LRRC4C: variants seen among roughly 807,000 people sequenced by gnomAD.
The protein encoded by LRRC4C is leucine rich repeat containing 4C, also known as leucine-rich repeat-containing protein 4C.
In LRRC4C, 5 loss-of-function variants were observed where a neutral mutation model predicts 33.6. The observed-to-expected ratio is 0.15, with a 90% CI of 0.08 to 0.31. LRRC4C has a LOEUF of 0.31. LRRC4C is among the 10% of genes least tolerant of loss of function. The pLI, the probability that LRRC4C is intolerant of heterozygous loss-of-function variation, is 1.00. For missense variants in LRRC4C, 560 were observed against 796.7 expected (o/e 0.70, Z 3.58); for synonymous variants, 329 against 302.0 (o/e 1.09, Z -0.93).
intron 1 of LRRC4C, among the ~76,000 whole-genome samples, chr11:41,199,354 C>T (rs1380585890): frequency 6.6e-6 from 1 of 151,940 alleles, no homozygotes; most frequent in African/African-American, 2.4e-5. Flanking sequence ...TATTCAAAAA[C>T]GGGGAGTGTC....
intron 2 of LRRC4C, among the ~76,000 whole-genome samples, chr11:40,874,886 T>G (rs547797321): frequency 1.2e-4 from 19 of 152,196 alleles, no homozygotes; most frequent in African/African-American, 4.1e-4. Flanking sequence ...AGATACTGAG[T>G]GAATAAAGAT....
At chr11:40,187,043 C>A (rs1262549896) in intron 5 of LRRC4C, among the ~76,000 whole-genome samples, 1 of 152,132 alleles carries the variant, frequency 6.6e-6, no homozygotes, top group African/African-American at 2.4e-5. Context: ...AGCAGGAGAA[C>A]CAACAAAGGA....
chr11:40,385,759 C>T (rs559740764), intron 3 of LRRC4C, among the ~76,000 whole-genome samples: 5 of 151,690 alleles, frequency 3.3e-5, no homozygotes, highest in East Asian at 2.0e-4. Flanking sequence ...CCCAGCTACT[C>T]GGGAGGCTGA....
Position 40,456,905 on chromosome 11 carries a change from GGAAA to G in LRRC4C, c.-269-137188_-269-137185del, listed in dbSNP as rs528374934. On this transcript the variant is annotated intron_variant, in intron 3 of 6. Coordinates refer to ENST00000528697, the MANE Select transcript of LRRC4C (RefSeq NM_001258419.2). The stretch of plus-strand genomic sequence containing the variant: ...TGGAGATAAGGGCGGGAGGGGAAAA[GGAAA>G]GAAAGGAAGGGGAAAAAAAAGAAAA... Among the ~76,000 whole-genome samples, 31 of 130,090 alleles carry G rather than the reference GGAAA, an allele frequency of 2.4e-4. No individual in the cohort carries two copies. The South Asian group carries it at 8.1e-3, about 34-fold the overall frequency. The allele number at this position is 130,090 out of a possible 152,430, so 85.3% of individuals were successfully genotyped here.
chr11:40,387,536 A>G (rs1279978917), intron 3 of LRRC4C, among the ~76,000 whole-genome samples: 1 of 152,130 alleles, frequency 6.6e-6, no homozygotes, highest in East Asian at 1.9e-4. Flanking sequence ...TTTTCCTTAT[A>G]TTGTTTCAAT....
chr11:40,744,554 C>T (rs981104674), intron 2 of LRRC4C, among the ~76,000 whole-genome samples: 1 of 152,128 alleles, frequency 6.6e-6, no homozygotes, highest in African/African-American at 2.4e-5. Context: ...GGCCTTTGAA[C>T]TTCATGAGAG....
intron 4 of LRRC4C, among the ~76,000 whole-genome samples, chr11:40,286,762 C>T (rs976108204): frequency 3.9e-5 from 6 of 151,954 alleles, no homozygotes; most frequent in South Asian, 2.1e-4. Context: ...TTGAGGAAAC[C>T]GAGGATTAAC....
chr11:40,767,599 G>GA (rs929820729), intron 2 of LRRC4C, among the ~76,000 whole-genome samples: 2 of 151,780 alleles, frequency 1.3e-5, no homozygotes, highest in Non-Finnish European at 2.9e-5. Context: ...AGGAAATTCA[G>GA]AAAAAAATGA....
chr11:40,145,888 T>A (rs1255899565), intron 5 of LRRC4C, among the ~76,000 whole-genome samples: 1 of 152,204 alleles, frequency 6.6e-6, no homozygotes, highest in African/African-American at 2.4e-5. Flanking sequence ...ATGCTGGGCA[T>A]ATACCAGGAA....
chr11:40,527,821 TCAC>T lies in LRRC4C; in HGVS notation c.-270+120318_-270+120320del, dbSNP rs528389454. Among the ~76,000 whole-genome samples, 35 of 152,196 alleles carry T rather than the reference TCAC, an allele frequency of 2.3e-4. No homozygotes were observed. In the East Asian group the frequency reaches 6.4e-3, roughly 28 times the overall value. On this transcript the variant is annotated intron_variant, in intron 3 of 6. Transcript: ENST00000528697. Reference sequence around the variant, plus strand: ...TGGAGTGCAATGGCACGATCTCGGCTCACCACAACCTCCACCTCCCGGGTTCAA... The same window carrying T: ...TGGAGTGCAATGGCACGATCTCGGCTCACAACCTCCACCTCCCGGGTTCAA...
chr11:41,456,088 T>A (rs867360029), intron 1 of LRRC4C, among the ~76,000 whole-genome samples: 1 of 152,176 alleles, frequency 6.6e-6, no homozygotes, highest in African/African-American at 2.4e-5. Flanking sequence ...TCTGAAGTGA[T>A]GGAGAACAGT....
chr11:40,432,033 G>C (rs1011068540), intron 3 of LRRC4C, among the ~76,000 whole-genome samples: 1 of 152,170 alleles, frequency 6.6e-6, no homozygotes, highest in South Asian at 2.1e-4. Context: ...TTTGAGCACA[G>C]GTTCTACCAG....
intron 1 of LRRC4C, among the ~76,000 whole-genome samples, chr11:41,437,438 C>A (rs1344353546): frequency 6.6e-6 from 1 of 151,830 alleles, no homozygotes; most frequent in African/African-American, 2.4e-5. Flanking sequence ...CACACACACA[C>A]ACACACACCA....
chr11:40,842,703 T>A lies in LRRC4C; in HGVS notation c.-407+90932A>T, dbSNP rs111231702. 9.1e-3 allele frequency among the ~76,000 whole-genome samples: 1,390 copies of A among 152,260 alleles called. 10 individuals carry two copies. The highest frequency in any genetic ancestry group is 0.018 in the South Asian group (86 of 4,828). ...AACATCTCTCCAATTAACTCCATAA[T>A]TGATCAAAATTTTTATTGTGCTACT... On this transcript the variant is annotated intron_variant, in intron 2 of 6. Transcript: ENST00000528697.
intron 1 of LRRC4C, among the ~76,000 whole-genome samples, chr11:41,255,339 C>T (rs975764372): frequency 1.3e-5 from 2 of 151,934 alleles, no homozygotes; most frequent in Non-Finnish European, 2.9e-5. Context: ...ATACTGTCAA[C>T]TAATAAAAAC....
At chr11:40,778,923 T>C (rs1950114328) in intron 2 of LRRC4C, among the ~76,000 whole-genome samples, 1 of 152,202 alleles carries the variant, frequency 6.6e-6, no homozygotes, top group Non-Finnish European at 1.5e-5. Flanking sequence ...GTGTTTCACT[T>C]CTAAGTGCAA....
intron 3 of LRRC4C, among the ~76,000 whole-genome samples, chr11:40,431,837 C>T (rs559954312): frequency 1.1e-4 from 17 of 152,280 alleles, no homozygotes; most frequent in South Asian, 4.1e-4. Context: ...GGGTCTACTA[C>T]GCAGGACTTT....
At chr11:40,573,902 T>G (rs1421343246) in intron 3 of LRRC4C, among the ~76,000 whole-genome samples, 5 of 152,146 alleles carry the variant, frequency 3.3e-5, no homozygotes, top group African/African-American at 1.2e-4. Context: ...TGTAAACCAT[T>G]CAGCAAACAG....
chr11:41,310,520 CCAAACAAG>C (rs1950616864), intron 1 of LRRC4C, among the ~76,000 whole-genome samples: 1 of 152,312 alleles, frequency 6.6e-6, no homozygotes, highest in African/African-American at 2.4e-5. Flanking sequence ...TCCTCAACCA[CCAAACAAG>C]CAAATTACAG....
Sources: gnomAD v4.1 joint callset for allele counts (sites outside exome capture counted in the v4.1 genomes callset) on GRCh38, gnomAD v4.1.1 for gene constraint, MANE v1.5 for transcripts, NCBI Gene and HGNC (gene_info 2026-07-23, HGNC 2026-07-21) for gene names.